FAAP20: variants seen among roughly 807,000 people sequenced by gnomAD.
The protein encoded by FAAP20 is Fanconi anemia core complex-associated protein 20.
FAAP20 carries 12 observed loss-of-function variants against 16.2 expected under a neutral mutation model. The ratio of observed to expected loss-of-function variants is 0.74; its 90% CI spans 0.48 to 1.20. The LOEUF is 1.20. FAAP20 is among the 50% of genes most tolerant of loss of function. FAAP20 has a pLI of 0.00. For synonymous variants in FAAP20, 141 were observed against 110.7 expected (o/e 1.27, Z -1.72); for missense variants, 288 against 245.8 (o/e 1.17, Z -1.15).
chr1:2,187,702 C>G (rs1036161239), downstream of FAAP20, among the ~76,000 whole-genome samples: 3 of 152,184 alleles, frequency 2.0e-5, no homozygotes, highest in Non-Finnish European at 4.4e-5. Flanking sequence ...CTGCCCTGCC[C>G]GTCCTGCCCT....
chr1:2,197,394 AC>A (rs1454949917), upstream of FAAP20, among the ~76,000 whole-genome samples: 17 of 152,322 alleles, frequency 1.1e-4, no homozygotes, highest in Admixed American at 3.9e-4. Context: ...GACCCGGGAC[AC>A]CTGCGCTGCC....
chr1:2,189,011 G>GAAAAAAAAAAA (rs71578368), downstream of FAAP20, among the ~76,000 whole-genome samples: 3 of 105,878 alleles, frequency 2.8e-5, no homozygotes, highest in African/African-American at 1.0e-4. Context: ...TCTCAAAAAA[G>GAAAAAAAAAAA]AAAAAAAAAA....
downstream of FAAP20, chr1:2,185,881 T>C (rs1221825937): frequency 3.3e-5 from 12 of 366,198 alleles, no homozygotes; most frequent in Non-Finnish European, 5.7e-5. Context: ...GATGTGCATG[T>C]GACGGACCCC....
At position 2,193,627 on chromosome 1, in the gene FAAP20, T is replaced by C. The variant is rs1688501232; in HGVS notation, c.470+12A>G. 6.3e-7 allele frequency: 1 copy of C among 1,590,796 alleles called. No individual in the cohort carries two copies. Among genetic ancestry groups the C allele is most frequent in the Non-Finnish European group, 8.5e-7 (1 of 1,174,750 alleles). On this transcript the variant is annotated intron_variant, in intron 3 of 3. Coordinates refer to ENST00000378546, the MANE Select transcript of FAAP20 (RefSeq NM_182533.4). ...TGGATAACCGGGCCGGGCGCAGGGG[T>C]GGCCTACTCACCTGGGGGCGAACTC...
chr1:2,207,340 G>T (rs1049694237), downstream of FAAP20, among the ~76,000 whole-genome samples: 1 of 152,194 alleles, frequency 6.6e-6, no homozygotes, highest in African/African-American at 2.4e-5. Flanking sequence ...GATAACTGGA[G>T]CTGGGAGAGG....
At chr1:2,191,961 C>T in intron 3 of FAAP20, 3 of 985,466 alleles carry the variant, frequency 3.0e-6, no homozygotes, top group Non-Finnish European at 3.6e-6. Flanking sequence ...TCAAATCCAG[C>T]ATTTGACGGT....
chr1:2,185,723 A>G (rs1177851845), downstream of FAAP20, among the ~76,000 whole-genome samples: 1 of 152,184 alleles, frequency 6.6e-6, no homozygotes. Flanking sequence ...ACAGTAGACC[A>G]AAAAAGAGAA....
At chr1:2,200,891 T>C (rs575750896), upstream of FAAP20, 4 of 1,096,640 alleles carry the variant, frequency 3.6e-6, no homozygotes, top group East Asian at 3.1e-4. Flanking sequence ...TGGGACCCCC[T>C]CGGGAGTCCC....
chr1:2,185,039 G>GT (rs758817662), downstream of FAAP20: 36 of 1,569,968 alleles, frequency 2.3e-5, no homozygotes, highest in Non-Finnish European at 3.1e-5. Flanking sequence ...GTGGACACGC[G>GT]TGATTGACCC....
chr1:2,205,450 C>G (rs970049051), intron 3 of FAAP20, among the ~76,000 whole-genome samples: 1 of 151,436 alleles, frequency 6.6e-6, no homozygotes, highest in Non-Finnish European at 1.5e-5. Flanking sequence ...TCAATTTCCT[C>G]CAGGTCCACA....
At chr1:2,189,489 C>G (rs1309772819), downstream of FAAP20, 1 of 590,918 alleles carries the variant, frequency 1.7e-6, no homozygotes, top group Admixed American at 2.8e-5. Flanking sequence ...GTGTCTGGTT[C>G]TGATTGCACT....
chr1:2,206,884 C>T (rs945937971), intron 1 of FAAP20, among the ~76,000 whole-genome samples: 1 of 151,588 alleles, frequency 6.6e-6, no homozygotes, highest in Non-Finnish European at 1.5e-5. Flanking sequence ...CCCCAGGCCA[C>T]GGCCTCCTGC....
upstream of FAAP20, chr1:2,200,090 A>T (rs1688987994): frequency 6.8e-6 from 1 of 147,626 alleles, no homozygotes. Flanking sequence ...AAAAAAAAAG[A>T]GAGAGAGAAA....
At chr1:2,198,663 G>C (rs1387118348), upstream of FAAP20, 28 of 1,218,894 alleles carry the variant, frequency 2.3e-5, no homozygotes, top group East Asian at 1.6e-3. Context: ...CAGGCACCCT[G>C]GGCACATGCT....
chr1:2,191,092 C>T (rs1043930356), intron 3 of FAAP20: 3 of 152,444 alleles, frequency 2.0e-5, no homozygotes, highest in Non-Finnish European at 4.4e-5. Flanking sequence ...CGGCTTCTGC[C>T]CATCCTGGGA....
In FAAP20 at chr1:2,189,718, C is replaced by T; in HGVS notation, c.534G>A (p.Val178=). The change falls in exon 4 of 4, where the codon GTG becomes GTA. Residue 178 remains valine (V), a synonymous_variant. Coordinates refer to ENST00000378546, the MANE Select transcript of FAAP20 (RefSeq NM_182533.4). ...GGCTCTTGGATGGCGCTCACCACGT[C>T]ACGTCTTCTGTGCTTTCGGCCAAGC... The part of the protein sequence containing the change: ...AQCLAESTED[V]TW The T allele has an allele frequency of 1.2e-6, 2 of 1,610,166 alleles. No homozygotes were observed. The highest frequency in any genetic ancestry group is 1.7e-6 in the Non-Finnish European group (2 of 1,178,030).
At position 2,194,056 on chromosome 1, in the gene FAAP20, A is replaced by G. The variant is rs552206271; in HGVS notation, c.140T>C (p.Val47Ala). Residue 47 changes from valine to alanine, a missense_variant, in exon 2 of 4, where the codon GTG (valine) becomes GCG (alanine). Transcript: ENST00000378546. ...GTGATCCAGGATCAGCTCCGGGCTC[A>G]CCGTGCGCAGTAGCTCGGCCCAGAG... ...ERLWAELLRTVSPELILDHEV... is the reference protein window; with the variant it reads ...ERLWAELLRTASPELILDHEV... 6.2e-7 allele frequency: 1 copy of G among 1,612,542 alleles called. No homozygotes were observed. Among genetic ancestry groups the G allele is most frequent in the East Asian group, 2.2e-5 (1 of 44,814 alleles).
At chr1:2,186,052 G>C (rs1687546487), downstream of FAAP20, 1 of 453,428 alleles carries the variant, frequency 2.2e-6, no homozygotes, top group Non-Finnish European at 4.4e-6. Context: ...CCTAGAGGCA[G>C]GGCTGCCAGC....
At chr1:2,188,074 T>C (rs942764810), downstream of FAAP20, among the ~76,000 whole-genome samples, 5 of 152,144 alleles carry the variant, frequency 3.3e-5, no homozygotes, top group East Asian at 1.9e-4. Context: ...GAGGCCATGA[T>C]TGAAAGGAAA....
Sources: gnomAD v4.1 joint callset for allele counts (sites outside exome capture counted in the v4.1 genomes callset) on GRCh38, gnomAD v4.1.1 for gene constraint, MANE v1.5 for transcripts, NCBI Gene and HGNC (gene_info 2026-07-23, HGNC 2026-07-21) for gene names.